CNTN3: variants seen among roughly 807,000 people sequenced by gnomAD.
The protein encoded by CNTN3 is contactin 3.
Under a neutral mutation model 119.1 loss-of-function variants are expected in CNTN3, and 60 were observed. The observed-to-expected ratio is 0.50, with a 90% CI of 0.41 to 0.62. The LOEUF (loss-of-function observed/expected upper bound fraction) is 0.62. Among genes scored for constraint, CNTN3 ranks in the 20% least tolerant of loss-of-function variants. CNTN3 has a pLI of 0.00. For synonymous variants in CNTN3, 450 were observed against 438.7 expected (o/e 1.03, Z -0.32); for missense variants, 1,101 against 1,242.4 (o/e 0.89, Z 1.71).
At position 74,301,686 on chromosome 3, in the gene CNTN3, G is replaced by A. The variant is rs144093273; in HGVS notation, c.1906C>T (p.Arg636Trp). 4.3e-5 allele frequency: 69 copies of A among 1,613,908 alleles called. No individual in the cohort carries two copies. The highest frequency in any genetic ancestry group is 2.3e-4 in the Admixed American group (14 of 59,988). ...SPVISYSIQA[R>W]TPFSVGWQTV... is the part of the protein sequence containing the mutation. ...TGCCAACCCACGGAGAAAGGTGTCC[G>A]AGCCTGGATAGAATAGGATATAACT... The change falls in exon 15 of 23, where the codon CGG becomes TGG. Residue 636 changes from arginine (R) to tryptophan (W), a missense_variant. Physicochemically the swap from Arg to Trp is moderately radical, Grantham distance 101 (BLOSUM62 -3). Coordinates refer to ENST00000263665, the MANE Select transcript of CNTN3 (RefSeq NM_020872.3).
In CNTN3 at chr3:74,301,428, G is replaced by A; in HGVS notation, c.2065C>T (p.Pro689Ser). The change falls in exon 16 of 23, where the codon CCC (proline) becomes TCC (serine). Residue 689 changes from proline to serine, a missense_variant. By Grantham distance (74) the Pro-to-Ser change is moderately conservative. Coordinates refer to ENST00000263665, the MANE Select transcript of CNTN3 (RefSeq NM_020872.3). ...NKIGGGEPSL[P>S]SEKVRTEEAV... ...TCTTCAGTTCTTACTTTTTCTGAGG[G>A]TAAACTTGGTTCTCCACCTCCAATT... 1.2e-6 allele frequency: 2 copies of A among 1,613,934 alleles called. No individual in the cohort carries two copies. The highest frequency in any genetic ancestry group is 1.7e-6 in the Non-Finnish European group (2 of 1,179,944).
At chr3:74,409,885 G>T (rs1171037096) in intron 5 of CNTN3, among the ~76,000 whole-genome samples, 1 of 152,080 alleles carries the variant, frequency 6.6e-6, no homozygotes, top group African/African-American at 2.4e-5. Flanking sequence ...TGATGACTTG[G>T]TTTTAGCAAA....
intron 4 of CNTN3, among the ~76,000 whole-genome samples, chr3:74,477,834 A>T (rs1702687031): frequency 6.6e-6 from 1 of 152,128 alleles, no homozygotes; most frequent in Admixed American, 6.6e-5. Flanking sequence ...ATGTAGCCAC[A>T]ACAATTAAAA....
chr3:74,494,429 T>A (rs1393089455), intron 3 of CNTN3, among the ~76,000 whole-genome samples: 1 of 152,166 alleles, frequency 6.6e-6, no homozygotes. Context: ...TTCACATTTT[T>A]CTGACACCAT....
chr3:74,386,630 C>A (rs899601095), intron 5 of CNTN3, among the ~76,000 whole-genome samples: 1 of 152,136 alleles, frequency 6.6e-6, no homozygotes, highest in African/African-American at 2.4e-5. Flanking sequence ...AAGTTCCAAC[C>A]CTGGTTCTGG....
chr3:74,328,367 C>T (rs1335733736), intron 13 of CNTN3, among the ~76,000 whole-genome samples: 3 of 152,068 alleles, frequency 2.0e-5, no homozygotes, highest in Non-Finnish European at 4.4e-5. Flanking sequence ...TTAAGGTTTG[C>T]CATGAATTAT....
intron 4 of CNTN3, among the ~76,000 whole-genome samples, chr3:74,455,746 T>G (rs1702256350): frequency 6.6e-6 from 1 of 152,080 alleles, no homozygotes; most frequent in Admixed American, 6.6e-5. Flanking sequence ...GCAGGTCTGT[T>G]GGAGTTTGCT....
Position 74,505,836 on chromosome 3 carries a change from T to C in CNTN3, c.56-6051A>G, listed in dbSNP as rs115715849. ...AAAGAAAAAGTGCTAGAGTATAGCA[T>C]GCAGCTGGAGTATGATAGCAAAATA... On this transcript the variant is annotated intron_variant, in intron 2 of 22. Coordinates refer to ENST00000263665, the MANE Select transcript of CNTN3 (RefSeq NM_020872.3). Among the ~76,000 whole-genome samples the C allele has an allele frequency of 4.4e-3, 672 of 152,258 alleles. 5 individuals carry two copies. Among genetic ancestry groups the C allele is most frequent in the African/African-American group, 0.015 (642 of 41,546 alleles).
intron 5 of CNTN3, among the ~76,000 whole-genome samples, chr3:74,396,222 G>C (rs1705048165): frequency 6.6e-6 from 1 of 152,156 alleles, no homozygotes. Flanking sequence ...AGTGTAGTAG[G>C]GAAGAGAGGT....
At chr3:74,586,498 GA>G (rs1704595373) in intron 1 of CNTN3, among the ~76,000 whole-genome samples, 2 of 152,052 alleles carry the variant, frequency 1.3e-5, no homozygotes, top group South Asian at 4.1e-4. Flanking sequence ...TCTATCAAGT[GA>G]TTGCTTTATA....
intron 2 of CNTN3, among the ~76,000 whole-genome samples, chr3:74,517,411 C>G (rs536515994): frequency 6.6e-6 from 1 of 152,020 alleles, no homozygotes; most frequent in South Asian, 2.1e-4. Context: ...TTTGGCTTTA[C>G]TGCACCAGGA....
At chr3:74,408,532 A>G (rs554620208) in intron 5 of CNTN3, among the ~76,000 whole-genome samples, 1 of 152,286 alleles carries the variant, frequency 6.6e-6, no homozygotes, top group African/African-American at 2.4e-5. Flanking sequence ...ATTGAGGCCT[A>G]AAACTGGCTT....
intron 13 of CNTN3, among the ~76,000 whole-genome samples, chr3:74,322,642 G>T (rs531095865): frequency 6.6e-6 from 1 of 152,250 alleles, no homozygotes; most frequent in Non-Finnish European, 1.5e-5. Flanking sequence ...ATGCTCTTTG[G>T]TACTTACCAA....
intron 1 of CNTN3, among the ~76,000 whole-genome samples, chr3:74,588,375 A>G (rs1001185618): frequency 1.3e-5 from 2 of 152,154 alleles, no homozygotes; most frequent in Admixed American, 1.3e-4. Flanking sequence ...AGAGAATAAA[A>G]TACCTAGGAA....
At chr3:74,380,764 A>G (rs2106809479) in intron 5 of CNTN3, among the ~76,000 whole-genome samples, 1 of 152,330 alleles carries the variant, frequency 6.6e-6, no homozygotes, top group South Asian at 2.1e-4. Flanking sequence ...AAATATCTGA[A>G]ATAATTAAGG....
chr3:74,295,281 T>A (rs1339487342), intron 18 of CNTN3, 45 bp from the exon 19 acceptor site: 1 of 1,093,396 alleles, frequency 9.1e-7, no homozygotes, highest in African/African-American at 1.5e-5. Flanking sequence ...TTTTGGCAGT[T>A]AGTTTAAAAC....
intron 6 of CNTN3, among the ~76,000 whole-genome samples, chr3:74,370,846 A>T (rs1391502339): frequency 6.6e-6 from 1 of 152,148 alleles, no homozygotes; most frequent in Non-Finnish European, 1.5e-5. Context: ...AAGTCAGGAC[A>T]GGTGACTTCA....
At chr3:74,428,576 T>C (rs1019927299) in intron 4 of CNTN3, among the ~76,000 whole-genome samples, 1 of 152,248 alleles carries the variant, frequency 6.6e-6, no homozygotes, top group Non-Finnish European at 1.5e-5. Context: ...TGTTTTAAGC[T>C]AAGTGTTATT....
At chr3:74,572,641 T>C (rs1267109771) in intron 1 of CNTN3, among the ~76,000 whole-genome samples, 1 of 152,222 alleles carries the variant, frequency 6.6e-6, no homozygotes, top group Non-Finnish European at 1.5e-5. Context: ...AATTTGATTT[T>C]CTCTGTAACA....
Sources: allele counts gnomAD v4.1 joint callset (sites outside exome capture counted in the v4.1 genomes callset), GRCh38; gene constraint gnomAD v4.1.1; transcripts MANE v1.5; gene names NCBI Gene and HGNC (gene_info 2026-07-23, HGNC 2026-07-21).